Variants in RNFT2 observed in about 807,000 individuals in gnomAD.
RNFT2 encodes the protein E3 ubiquitin-protein ligase RNFT2.
In RNFT2, 36 loss-of-function variants were observed where a neutral mutation model predicts 53.0. The observed-to-expected ratio is 0.68, with a 90% CI of 0.52 to 0.90. The LOEUF is 0.90. Among genes scored for constraint, RNFT2 ranks in the 40% least tolerant of loss-of-function variants. RNFT2 has a pLI of 0.00. For synonymous variants in RNFT2, 260 were observed against 253.2 expected (o/e 1.03, Z -0.26); for missense variants, 514 against 585.6 (o/e 0.88, Z 1.26).
chr12:116,845,925 C>T (rs866794988), intron 10 of RNFT2, among the ~76,000 whole-genome samples: 13 of 152,174 alleles, frequency 8.5e-5, no homozygotes, highest in Non-Finnish European at 1.6e-4. Flanking sequence ...ATCTCTATCC[C>T]ATCCCCTCTC....
intron 7 of RNFT2, among the ~76,000 whole-genome samples, chr12:116,820,970 C>T (rs1464931014): frequency 1.3e-5 from 2 of 152,086 alleles, no homozygotes; most frequent in Admixed American, 1.3e-4. Flanking sequence ...CCACTCTGTT[C>T]TTCCCTCCCC....
In RNFT2 at chr12:116,757,091, A is replaced by G. The variant is rs148697836; in HGVS notation, c.627+3031A>G. Among the ~76,000 whole-genome samples, 93 of 152,152 alleles carry G rather than the reference A, an allele frequency of 6.1e-4. No individual in the cohort carries two copies. The East Asian group carries it at 0.014, about 23-fold the overall frequency. ...TTCCAGGAATTTATCCATCTCTTCTAGGTTTTCTAGTTTTTGTGCATAAAG... is the reference window on the plus strand; with the variant it reads ...TTCCAGGAATTTATCCATCTCTTCTGGGTTTTCTAGTTTTTGTGCATAAAG... On this transcript the variant is annotated intron_variant, in intron 5 of 10. Transcript: ENST00000257575.
At chr12:116,834,463 A>T (rs1407776202) in intron 8 of RNFT2, among the ~76,000 whole-genome samples, 2 of 152,158 alleles carry the variant, frequency 1.3e-5, no homozygotes, top group African/African-American at 4.8e-5. Flanking sequence ...CATTGAGCGG[A>T]TTCACAATGT....
intron 6 of RNFT2, among the ~76,000 whole-genome samples, chr12:116,772,902 C>T (rs1332823989): frequency 2.6e-5 from 4 of 152,186 alleles, no homozygotes; most frequent in African/African-American, 9.7e-5. Flanking sequence ...AATCTCAGCT[C>T]ACTGTAACCT....
In RNFT2 at chr12:116,749,877, G is replaced by A. The variant is rs1872091202; in HGVS notation, c.120G>A (p.Val40=). 11 of 1,587,308 alleles carry A rather than the reference G, an allele frequency of 6.9e-6. No individual in the cohort carries two copies. Among genetic ancestry groups the A allele is most frequent in the Non-Finnish European group, 9.4e-6 (11 of 1,167,088 alleles). ...AGGCGCTCAGCTCCGAGGCGAGTGT[G>A]GATGAAGGTGGCGTCTTTGAGAGTC... ...RSQALSSEAS[V]DEGGVFESLK... Residue 40 remains valine (V), a synonymous_variant, in exon 4 of 11, where the codon GTG becomes GTA. Coordinates refer to ENST00000257575, the MANE Select transcript of RNFT2 (RefSeq NM_001382266.1).
chr12:116,830,919 AAGAGAG>A (rs981652374), intron 7 of RNFT2, among the ~76,000 whole-genome samples: 1 of 151,956 alleles, frequency 6.6e-6, no homozygotes, highest in Non-Finnish European at 1.5e-5. Flanking sequence ...AAAAAAAAAA[AAGAGAG>A]AGAGAGAAAG....
At chr12:116,825,928 A>G (rs1876305328) in intron 7 of RNFT2, among the ~76,000 whole-genome samples, 2 of 152,166 alleles carry the variant, frequency 1.3e-5, no homozygotes, top group East Asian at 1.9e-4. Flanking sequence ...AAAAATGTGT[A>G]TAAAAGAGAT....
intron 10 of RNFT2, among the ~76,000 whole-genome samples, chr12:116,838,744 C>G (rs1190841492): frequency 1.3e-5 from 2 of 152,230 alleles, no homozygotes; most frequent in Non-Finnish European, 2.9e-5. Flanking sequence ...CTGACAAGCT[C>G]TCTAAGCCTC....
chr12:116,776,961 A>G (rs939664553), intron 6 of RNFT2, among the ~76,000 whole-genome samples: 9 of 129,378 alleles, frequency 7.0e-5, no homozygotes, highest in Non-Finnish European at 9.4e-5. Context: ...TCTGTCACCC[A>G]TGCTGGAGTA....
intron 6 of RNFT2, among the ~76,000 whole-genome samples, chr12:116,771,052 T>G (rs1414419151): frequency 6.6e-6 from 1 of 152,126 alleles, no homozygotes; most frequent in Non-Finnish European, 1.5e-5. Context: ...CAAAGTTGAA[T>G]GGTTATGGCA....
At chr12:116,837,726 G>C (rs1057298119) in intron 10 of RNFT2, among the ~76,000 whole-genome samples, 12 of 152,152 alleles carry the variant, frequency 7.9e-5, no homozygotes, top group African/African-American at 2.7e-4. Flanking sequence ...AAACAGGTTT[G>C]ATGAAATCCA....
At chr12:116,789,056 A>ATGGATGGG (rs1874078034) in intron 7 of RNFT2, among the ~76,000 whole-genome samples, 1 of 149,092 alleles carries the variant, frequency 6.7e-6, no homozygotes, top group African/African-American at 2.5e-5. Flanking sequence ...AGATGGATGG[A>ATGGATGGG]TGGATGGGTG....
chr12:116,823,502 G>A (rs1876164759), intron 7 of RNFT2, among the ~76,000 whole-genome samples: 1 of 152,160 alleles, frequency 6.6e-6, no homozygotes, highest in Non-Finnish European at 1.5e-5. Context: ...TGGCCAATGT[G>A]GCAAAACCCT....
At chr12:116,839,704 A>C (rs1877155795) in intron 10 of RNFT2, among the ~76,000 whole-genome samples, 1 of 144,634 alleles carries the variant, frequency 6.9e-6, no homozygotes, top group African/African-American at 2.5e-5. Context: ...GTGGGTGAGC[A>C]AATGAATGGA....
chr12:116,754,125 G>A, intron 5 of RNFT2, 65 bp downstream of exon 5: 2 of 1,337,168 alleles, frequency 1.5e-6, no homozygotes, highest in Non-Finnish European at 2.1e-6. Context: ...GCCAGGCACA[G>A]TCTTCCCGGC....
At chr12:116,807,706 C>A (rs1156785305) in intron 7 of RNFT2, among the ~76,000 whole-genome samples, 2 of 152,174 alleles carry the variant, frequency 1.3e-5, no homozygotes, top group African/African-American at 4.8e-5. Flanking sequence ...AACCCAGGCA[C>A]CATACACCCT....
chr12:116,817,414 T>C (rs1875743038), intron 7 of RNFT2, among the ~76,000 whole-genome samples: 1 of 152,236 alleles, frequency 6.6e-6, no homozygotes, highest in Non-Finnish European at 1.5e-5. Flanking sequence ...CCTCCCAAAG[T>C]GCTGGGATTA....
chr12:116,748,568 A>G lies in RNFT2; in HGVS notation c.84-1273A>G, dbSNP rs1872021409. 4.4e-5 allele frequency: 16 copies of G among 362,152 alleles called. 1 individual carries two copies. Among genetic ancestry groups the G allele is most frequent in the South Asian group, 3.1e-4 (16 of 51,134 alleles). The allele number at this position is 362,152 out of a possible 1,614,324, so 22.4% of individuals were successfully genotyped here. A position where few individuals can be genotyped will look rare whatever the true frequency, so the allele number is the denominator to read the frequency against. ...AGGTGAGAAAGCTGAGTGCAGAGGT[A>G]TAAGGCCCCTAGAACAGGTGGAGCT... On this transcript the variant is annotated intron_variant, in intron 3 of 10. Transcript: ENST00000257575.
intron 7 of RNFT2, among the ~76,000 whole-genome samples, chr12:116,817,072 G>T (rs1175880638): frequency 4.6e-5 from 7 of 152,160 alleles, no homozygotes; most frequent in African/African-American, 7.2e-5. Flanking sequence ...GAATACAGTG[G>T]TGCGATCGCA....
Sources: gnomAD v4.1 joint callset for allele counts (sites outside exome capture counted in the v4.1 genomes callset) on GRCh38, gnomAD v4.1.1 for gene constraint, MANE v1.5 for transcripts, NCBI Gene and HGNC (gene_info 2026-07-23, HGNC 2026-07-21) for gene names.